Variants in GALNT7 observed in about 807,000 individuals in gnomAD.
GALNT7 encodes polypeptide N-acetylgalactosaminyltransferase 7.
In GALNT7, 60 loss-of-function variants were observed where a neutral mutation model predicts 82.1. That is an observed-to-expected ratio of 0.73 (90% CI 0.59 to 0.91). The LOEUF is 0.91. Among genes scored for constraint, GALNT7 ranks in the 40% least tolerant of loss-of-function variants. The pLI, the probability that GALNT7 is intolerant of heterozygous loss-of-function variation, is 0.00. For synonymous variants in GALNT7, 243 were observed against 275.1 expected, an observed-to-expected ratio of 0.88 and a Z score of 1.15; for missense variants, 660 against 804.2, an observed-to-expected ratio of 0.82 and a Z score of 2.17.
chr4:173,170,728 A>C (rs1731832077), intron 1 of GALNT7, among the ~76,000 whole-genome samples: 1 of 152,206 alleles, frequency 6.6e-6, no homozygotes, highest in African/African-American at 2.4e-5. Flanking sequence ...GGCTTTTTAC[A>C]TGTAGCTAGA....
chr4:173,215,670 C>T (rs868470523), intron 1 of GALNT7, among the ~76,000 whole-genome samples: 1 of 152,180 alleles, frequency 6.6e-6, no homozygotes, highest in South Asian at 2.1e-4. Flanking sequence ...TCATCAGGCT[C>T]AAGGAATCCT....
At chr4:173,203,520 C>T (rs562437276) in intron 1 of GALNT7, among the ~76,000 whole-genome samples, 2 of 152,286 alleles carry the variant, frequency 1.3e-5, no homozygotes, top group African/African-American at 4.8e-5. Context: ...TTCCTGGTTG[C>T]TTTATAAATC....
intron 1 of GALNT7, among the ~76,000 whole-genome samples, chr4:173,236,158 A>G (rs913724980): frequency 3.9e-5 from 6 of 152,280 alleles, no homozygotes; most frequent in East Asian, 3.9e-4. Flanking sequence ...TCCATCCTCT[A>G]GCTGGGTAGG....
At chr4:173,319,424 C>T (rs969799208) in intron 11 of GALNT7, among the ~76,000 whole-genome samples, 1 of 151,910 alleles carries the variant, frequency 6.6e-6, no homozygotes, top group Non-Finnish European at 1.5e-5. Flanking sequence ...AGATAATTTC[C>T]AGGAAGTGAT....
intron 1 of GALNT7, among the ~76,000 whole-genome samples, chr4:173,247,601 A>G (rs1272302584): frequency 6.6e-6 from 1 of 152,110 alleles, no homozygotes; most frequent in Non-Finnish European, 1.5e-5. Flanking sequence ...TACAACTGGG[A>G]AAACCACATA....
intron 6 of GALNT7, among the ~76,000 whole-genome samples, chr4:173,300,335 C>T (rs73872547): frequency 0.026 from 3,914 of 152,060 alleles, 165 homozygotes; most frequent in African/African-American, 0.088. Flanking sequence ...AGAGTGAGAC[C>T]CTGTCTCACA....
chr4:173,292,177 A>C lies in GALNT7; in HGVS notation c.657A>C (p.Gly219=), dbSNP rs766370140. Residue 219 remains glycine, a synonymous_variant, in exon 3 of 12, where the codon GGA becomes GGC. Transcript: ENST00000265000. This position sits in a 1 kb window ranked among gnomAD's most constrained non-coding sequence, Gnocchi z 4.8. ...TTGTCATTGTCTTCCATAATGAAGGATGGTCAACCCTCATGAGAACAGTCC... is the reference window on the plus strand; with the variant it reads ...TTGTCATTGTCTTCCATAATGAAGGCTGGTCAACCCTCATGAGAACAGTCC... The part of the protein sequence containing the change: ...SSVVIVFHNE[G]WSTLMRTVHS... 8 of 1,606,048 alleles carry C rather than the reference A, an allele frequency of 5.0e-6. No individual in the cohort carries two copies. The highest frequency in any genetic ancestry group is 1.1e-5 in the South Asian group (1 of 90,122).
In GALNT7 at chr4:173,185,691, G is replaced by A. The variant is rs570897612; in HGVS notation, c.126+16730G>A. Among the ~76,000 whole-genome samples, 8 of 152,222 alleles carry A rather than the reference G, an allele frequency of 5.3e-5. No individual in the cohort carries two copies. The East Asian group carries it at 1.2e-3, about 22-fold the overall frequency. On this transcript the variant is annotated intron_variant, in intron 1 of 11. Coordinates refer to ENST00000265000, the MANE Select transcript of GALNT7 (RefSeq NM_017423.3). Reference sequence around the variant, plus strand: ...GTAACAAGTTACCAGGAAGTAGTGGGGGTTAAATCTGTGCTGCTGGGAAAG... The same window carrying A: ...GTAACAAGTTACCAGGAAGTAGTGGAGGTTAAATCTGTGCTGCTGGGAAAG...
In GALNT7 at chr4:173,248,428, T is replaced by G; in HGVS notation, c.575T>G (p.Leu192Ter). 6.2e-7 allele frequency: 1 copy of G among 1,603,294 alleles called. No individual in the cohort carries two copies. Among genetic ancestry groups the G allele is most frequent in the Non-Finnish European group, 8.5e-7 (1 of 1,173,192 alleles). ...MISLDRSVND[L>*]RQEECKYWHY... ...TCACTGGACCGCAGCGTCAATGACT[T>G]ACGCCAAGAAGAGTAAGCACACATC... The change falls in exon 2 of 12, where the codon TTA becomes TGA. Residue 192 changes from leucine (L) to a stop codon, truncating the protein, a stop_gained. Transcript: ENST00000265000. LOFTEE classifies it high-confidence loss of function.
chr4:173,183,072 AC>A (rs558068715), intron 1 of GALNT7, among the ~76,000 whole-genome samples: 1 of 150,700 alleles, frequency 6.6e-6, no homozygotes, highest in African/African-American at 2.4e-5. Context: ...ACACACACAC[AC>A]ACACACACAC....
chr4:173,298,239 C>T lies in GALNT7; in HGVS notation c.1090C>T (p.Arg364Trp), dbSNP rs760215504. The T allele has an allele frequency of 4.2e-5, 67 of 1,611,374 alleles. No homozygotes were observed. Among genetic ancestry groups the T allele is most frequent in the South Asian group, 2.2e-5 (2 of 90,532 alleles). ...GAWDWSMLWK[R>W]VPLTPQEKRL... is the part of the protein sequence containing the mutation. ...ATGGGATTGGAGTATGCTCTGGAAA[C>T]GGGTGCCTCTGACCCCTCAAGAGAA... Residue 364 changes from arginine (R) to tryptophan (W), a missense_variant, in exon 6 of 12, where the codon CGG (arginine) becomes TGG (tryptophan). Physicochemically the swap from Arg to Trp is moderately radical, Grantham distance 101 (BLOSUM62 -3). Around this residue, in one of 2 missense-constraint regions of GALNT7, gnomAD observed 527 missense variants for 683.5 expected, o/e 0.77. Coordinates refer to ENST00000265000, the MANE Select transcript of GALNT7 (RefSeq NM_017423.3).
intron 1 of GALNT7, among the ~76,000 whole-genome samples, chr4:173,193,331 A>G (rs1227879464): frequency 3.9e-5 from 6 of 152,220 alleles, no homozygotes; most frequent in Admixed American, 3.9e-4. Context: ...CCTTACAGAA[A>G]TAATCTCCTG....
chr4:173,199,508 G>A (rs909881835), intron 1 of GALNT7, among the ~76,000 whole-genome samples: 1 of 152,124 alleles, frequency 6.6e-6, no homozygotes, highest in South Asian at 2.1e-4. Flanking sequence ...CGTTACAGTT[G>A]TCATCACTGT....
At chr4:173,178,791 A>C (rs1236221872) in intron 1 of GALNT7, among the ~76,000 whole-genome samples, 2 of 152,264 alleles carry the variant, frequency 1.3e-5, no homozygotes, top group Non-Finnish European at 2.9e-5. Context: ...GTATTATATC[A>C]ATACCAACTA....
At position 173,197,063 on chromosome 4, in the gene GALNT7, CTTT is replaced by C. The variant is rs5864189; in HGVS notation, c.126+28120_126+28122del. 8.5e-5 allele frequency among the ~76,000 whole-genome samples: 10 copies of C among 117,944 alleles called. 1 individual carries two copies. In the East Asian group the frequency reaches 9.8e-4, roughly 12 times the overall value. The allele number at this position is 117,944 out of a possible 152,430, so 77.4% of individuals were successfully genotyped here. On this transcript the variant is annotated intron_variant, in intron 1 of 11. Coordinates refer to ENST00000265000, the MANE Select transcript of GALNT7 (RefSeq NM_017423.3). ...TTAGATTCTCTATCTCTCTCTCTCCCTTTTTTTTTTTTTTTTTTTTGACAGGTA... is the reference window on the plus strand; with the variant it reads ...TTAGATTCTCTATCTCTCTCTCTCCCTTTTTTTTTTTTTTTTTGACAGGTA...
At chr4:173,285,249 C>T (rs1736280711) in intron 2 of GALNT7, among the ~76,000 whole-genome samples, 1 of 152,182 alleles carries the variant, frequency 6.6e-6, no homozygotes, top group Non-Finnish European at 1.5e-5. Flanking sequence ...GTTCAGTAGT[C>T]TCAATTACAT....
chr4:173,314,127 A>G lies in GALNT7; in HGVS notation c.1559A>G (p.Asp520Gly), dbSNP rs142517079. The G allele has an allele frequency of 6.2e-6, 10 of 1,614,020 alleles. No homozygotes were observed. The highest frequency in any genetic ancestry group is 1.1e-5 in the South Asian group (1 of 91,080). The part of the protein sequence containing the change: ...FKWFMEEIAY[D>G]ITSHYPLPPK... ...TGGTTCATGGAAGAAATAGCTTATGATATCACCTCACACTACCCTTTGCCA... is the reference window on the plus strand; with the variant it reads ...TGGTTCATGGAAGAAATAGCTTATGGTATCACCTCACACTACCCTTTGCCA... The change falls in exon 9 of 12, where the codon GAT becomes GGT. Residue 520 changes from aspartate to glycine, a missense_variant. Asp to Gly is a moderately conservative substitution (Grantham distance 94). Coordinates refer to ENST00000265000, the MANE Select transcript of GALNT7 (RefSeq NM_017423.3).
At chr4:173,235,556 C>CTTT (rs11421248) in intron 1 of GALNT7, among the ~76,000 whole-genome samples, 2,639 of 140,764 alleles carry the variant, frequency 0.019, 82 homozygotes, top group African/African-American at 0.06. Flanking sequence ...CTTTTCTTTT[C>CTTT]TTTTTTTTTT....
In GALNT7 at chr4:173,315,850, C is replaced by T. The variant is rs547778319; in HGVS notation, c.1608+1674C>T. ...TAGCCTAAATTGAACTTCCTATCTC[C>T]TCCCCCCAACCCATCTTTGCTGATT... On this transcript the variant is annotated intron_variant, in intron 9 of 11. Coordinates refer to ENST00000265000, the MANE Select transcript of GALNT7 (RefSeq NM_017423.3). 3.3e-5 allele frequency: 5 copies of T among 152,338 alleles called. No individual in the cohort carries two copies. In the South Asian group the frequency reaches 1.0e-3, roughly 32 times the overall value. 9.4% of individuals were successfully genotyped at this position (152,338 alleles called of 1,614,324 possible). A position where few individuals can be genotyped will look rare whatever the true frequency, so the allele number is the denominator to read the frequency against.
Sources: gnomAD v4.1 joint callset for allele counts (sites outside exome capture counted in the v4.1 genomes callset) on GRCh38, gnomAD v4.1.1 for gene constraint, gnomAD v4.1.1 regional missense constraint, Gnocchi (gnomAD v3.1) non-coding constraint, MANE v1.5 for transcripts, NCBI Gene and HGNC (gene_info 2026-07-23, HGNC 2026-07-21) for gene names.